CFDP1: variants seen among roughly 807,000 people sequenced by gnomAD.
CFDP1 encodes heterochromatin-stabilizing protein CFDP1.
A neutral mutation model predicts 40.1 loss-of-function variants in CFDP1; 31 were observed. The ratio of observed to expected loss-of-function variants is 0.77; its 90% CI spans 0.58 to 1.04. CFDP1 has a LOEUF of 1.04. CFDP1 is among the 50% of genes least tolerant of loss of function. The probability of loss-of-function intolerance (pLI) is 0.00; values close to 1 mark genes in which losing one functional copy is unlikely to be tolerated. For synonymous variants in CFDP1, 167 were observed against 120.0 expected (o/e 1.39, Z -2.56); for missense variants, 423 against 343.4 (o/e 1.23, Z -1.83).
At chr16:75,340,657 G>C (rs1267987432) in intron 5 of CFDP1, among the ~76,000 whole-genome samples, 1 of 152,202 alleles carries the variant, frequency 6.6e-6, no homozygotes, top group East Asian at 1.9e-4. Flanking sequence ...TGCAAGTGAA[G>C]TTAAAGTTTT....
intron 5 of CFDP1, among the ~76,000 whole-genome samples, chr16:75,306,035 A>G (rs1468050401): frequency 6.6e-6 from 1 of 152,238 alleles, no homozygotes; most frequent in Non-Finnish European, 1.5e-5. Flanking sequence ...AATGCAGTTA[A>G]GATGGTATGA....
chr16:75,301,495 CT>C (rs2078220928), intron 6 of CFDP1, among the ~76,000 whole-genome samples: 1 of 133,750 alleles, frequency 7.5e-6, no homozygotes, highest in African/African-American at 2.8e-5. Context: ...CATTTCCTTG[CT>C]TTAAGTTTCT....
chr16:75,313,694 T>C (rs897623692), intron 5 of CFDP1, among the ~76,000 whole-genome samples: 3 of 152,242 alleles, frequency 2.0e-5, no homozygotes, highest in African/African-American at 7.2e-5. Context: ...AGGGATGTTA[T>C]ATGGTGAAAC....
chr16:75,299,610 T>A (rs926767264), intron 6 of CFDP1, among the ~76,000 whole-genome samples: 2 of 149,778 alleles, frequency 1.3e-5, no homozygotes, highest in East Asian at 3.9e-4. Flanking sequence ...AAAAAAAAAA[T>A]TCGAATCCTA....
intron 5 of CFDP1, among the ~76,000 whole-genome samples, chr16:75,333,122 CTTTT>C (rs1281826055): frequency 3.4e-5 from 3 of 87,180 alleles, no homozygotes; most frequent in Admixed American, 1.3e-4. Flanking sequence ...TACTCATGTT[CTTTT>C]TTTTTTTTTT....
chr16:75,297,103 C>T (rs2078187354), intron 6 of CFDP1, among the ~76,000 whole-genome samples: 1 of 149,938 alleles, frequency 6.7e-6, no homozygotes, highest in Admixed American at 6.7e-5. Flanking sequence ...CAAAAAATAG[C>T]TATGGGAGTT....
At chr16:75,323,779 CAAA>C (rs5817940) in intron 5 of CFDP1, among the ~76,000 whole-genome samples, 1 of 136,086 alleles carries the variant, frequency 7.3e-6, no homozygotes. Flanking sequence ...AGCTCTGTCT[CAAA>C]AAAAAAAAAA....
At chr16:75,397,136 G>C (rs1041369692) in intron 4 of CFDP1, among the ~76,000 whole-genome samples, 1 of 151,736 alleles carries the variant, frequency 6.6e-6, no homozygotes, top group Non-Finnish European at 1.5e-5. Context: ...GGATGGTCTT[G>C]ATCTCCTGAC....
intron 6 of CFDP1, among the ~76,000 whole-genome samples, chr16:75,297,118 T>C (rs927492524): frequency 1.3e-5 from 2 of 150,882 alleles, no homozygotes. Context: ...GGAGTTGTCA[T>C]GGGCTTGGGG....
intron 1 of CFDP1, 50 bp from the exon 2 acceptor site, chr16:75,414,745 A>G: frequency 8.2e-7 from 1 of 1,221,052 alleles, no homozygotes; most frequent in Non-Finnish European, 1.2e-6. Context: ...TTTTCACATC[A>G]AGATGAGACA....
chr16:75,366,050 G>A (rs2078711603), intron 5 of CFDP1, among the ~76,000 whole-genome samples: 1 of 152,116 alleles, frequency 6.6e-6, no homozygotes, highest in East Asian at 1.9e-4. Context: ...CCTAGAAAAT[G>A]AAAACATGTC....
At chr16:75,327,468 G>A (rs976635894) in intron 5 of CFDP1, among the ~76,000 whole-genome samples, 5 of 138,792 alleles carry the variant, frequency 3.6e-5, no homozygotes, top group African/African-American at 1.7e-4. Flanking sequence ...GGGGACAGAA[G>A]GTGAAGGATG....
chr16:75,382,446 T>C (rs1343894534), intron 5 of CFDP1, among the ~76,000 whole-genome samples: 1 of 152,204 alleles, frequency 6.6e-6, no homozygotes, highest in Admixed American at 6.5e-5. Context: ...AAATTCTGCC[T>C]GGCTTAGGCT....
At chr16:75,341,550 G>A (rs1195338500) in intron 5 of CFDP1, among the ~76,000 whole-genome samples, 2 of 152,018 alleles carry the variant, frequency 1.3e-5, no homozygotes, top group Admixed American at 6.6e-5. Flanking sequence ...AAAACTTCAA[G>A]GGAACCCTCT....
intron 4 of CFDP1, among the ~76,000 whole-genome samples, chr16:75,403,473 C>A (rs2079072449): frequency 6.6e-6 from 1 of 152,228 alleles, no homozygotes; most frequent in Non-Finnish European, 1.5e-5. Flanking sequence ...CCTGCCTCAG[C>A]CTCCCAAAGT....
intron 5 of CFDP1, among the ~76,000 whole-genome samples, chr16:75,349,126 T>C (rs2078590133): frequency 6.6e-6 from 1 of 152,104 alleles, no homozygotes; most frequent in South Asian, 2.1e-4. Flanking sequence ...TCTTAAAGCC[T>C]CCCAAAGTGC....
intron 1 of CFDP1, among the ~76,000 whole-genome samples, chr16:75,432,907 G>A (rs901109593): frequency 2.6e-5 from 4 of 152,176 alleles, no homozygotes; most frequent in Non-Finnish European, 5.9e-5. Flanking sequence ...ACGGGGTGGT[G>A]GCCAGCAGCT....
intron 1 of CFDP1, among the ~76,000 whole-genome samples, chr16:75,423,434 G>A (rs1013049790): frequency 2.6e-5 from 4 of 152,122 alleles, no homozygotes; most frequent in Non-Finnish European, 5.9e-5. Context: ...GTAATCAAGC[G>A]ATTCTCGTGC....
intron 5 of CFDP1, among the ~76,000 whole-genome samples, chr16:75,341,147 C>T (rs2078523935): frequency 1.3e-5 from 2 of 152,190 alleles, no homozygotes; most frequent in Non-Finnish European, 2.9e-5. Context: ...CCTAATGATG[C>T]TATGTGCATC....
Sources: allele counts gnomAD v4.1 joint callset (sites outside exome capture counted in the v4.1 genomes callset), GRCh38; gene constraint gnomAD v4.1.1; transcripts MANE v1.5; gene names NCBI Gene and HGNC (gene_info 2026-07-23, HGNC 2026-07-21).